KCNC2: variants seen among roughly 807,000 people sequenced by gnomAD.
The protein encoded by KCNC2 is voltage-gated potassium channel KCNC2.
A neutral mutation model predicts 44.5 loss-of-function variants in KCNC2; 21 were observed. That is an observed-to-expected ratio of 0.47 (90% CI 0.33 to 0.68). The LOEUF (loss-of-function observed/expected upper bound fraction) is 0.68. Ranked by LOEUF, KCNC2 falls within the 30% of genes least tolerant of loss-of-function variation. KCNC2 has a pLI of 0.01. For missense variants in KCNC2, 589 were observed against 826.2 expected, an observed-to-expected ratio of 0.71 and a Z score of 3.52; for synonymous variants, 391 against 339.1, an observed-to-expected ratio of 1.15 and a Z score of -1.68.
At chr12:75,171,686 A>G (rs1162014006) in intron 2 of KCNC2, among the ~76,000 whole-genome samples, 2 of 151,878 alleles carry the variant, frequency 1.3e-5, no homozygotes, top group East Asian at 3.9e-4. Context: ...AATAAGTTCT[A>G]GTGTTTGACA....
chr12:75,202,830 T>G (rs2031393409), intron 2 of KCNC2, among the ~76,000 whole-genome samples: 1 of 150,992 alleles, frequency 6.6e-6, no homozygotes, highest in African/African-American at 2.4e-5. Flanking sequence ...TTTTAACACC[T>G]CTAGAATTTT....
chr12:75,042,305 C>G lies in KCNC2; in HGVS notation c.*800G>C, dbSNP rs761116471. 6 of 1,610,866 alleles carry G rather than the reference C, an allele frequency of 3.7e-6. No homozygotes were observed. The highest frequency in any genetic ancestry group is 1.3e-5 in the African/African-American group (1 of 74,610). On this transcript the variant is annotated 3_prime_UTR_variant, in exon 5 of 5. Coordinates refer to ENST00000549446, the MANE Select transcript of KCNC2 (RefSeq NM_139137.4). Reference sequence around the variant, plus strand: ...CTTTCTCTCATGTTTTGTGCCTTCCCCAAGTCATTAAGTAAGAGATCTGGC... The same window carrying G: ...CTTTCTCTCATGTTTTGTGCCTTCCGCAAGTCATTAAGTAAGAGATCTGGC...
chr12:75,117,301 ACT>A (rs1468949308), intron 2 of KCNC2, among the ~76,000 whole-genome samples: 1 of 152,174 alleles, frequency 6.6e-6, no homozygotes, highest in Non-Finnish European at 1.5e-5. Flanking sequence ...TACAAGCTGC[ACT>A]GTCAACAGGC....
At position 75,043,010 on chromosome 12, in the gene KCNC2, C is replaced by G; in HGVS notation, c.*95G>C. On this transcript the variant is annotated 3_prime_UTR_variant, in exon 5 of 5. Coordinates refer to ENST00000549446, the MANE Select transcript of KCNC2 (RefSeq NM_139137.4). ...CAAGATTTATACTGTATTAATGGAG[C>G]CTGGAGTAACTCTACATTTAATTAT... is the stretch of plus-strand genomic sequence containing the variant. 6.5e-7 allele frequency: 1 copy of G among 1,549,608 alleles called. No homozygotes were observed. The highest frequency in any genetic ancestry group is 8.7e-7 in the Non-Finnish European group (1 of 1,149,510).
chr12:75,203,892 A>T (rs903036176), intron 2 of KCNC2, among the ~76,000 whole-genome samples: 1 of 151,900 alleles, frequency 6.6e-6, no homozygotes, highest in East Asian at 1.9e-4. Context: ...AAACTCTATC[A>T]AGGAATTTCT....
At chr12:75,158,897 G>A (rs1890935965) in intron 2 of KCNC2, among the ~76,000 whole-genome samples, 1 of 151,728 alleles carries the variant, frequency 6.6e-6, no homozygotes, top group South Asian at 2.1e-4. Flanking sequence ...TCCTAATCAG[G>A]CTCAAGTTAT....
intron 2 of KCNC2, among the ~76,000 whole-genome samples, chr12:75,112,408 G>A (rs1423714469): frequency 6.6e-6 from 1 of 151,944 alleles, no homozygotes; most frequent in East Asian, 1.9e-4. Context: ...CAAAAGTTCT[G>A]TGCTTTTTTT....
At chr12:75,055,897 C>T (rs1364074188) in intron 2 of KCNC2, among the ~76,000 whole-genome samples, 2 of 151,918 alleles carry the variant, frequency 1.3e-5, no homozygotes, top group Non-Finnish European at 2.9e-5. Context: ...TTTTATTTTC[C>T]TCATTTTCTC....
intron 2 of KCNC2, among the ~76,000 whole-genome samples, chr12:75,165,353 A>T (rs1022597210): frequency 1.3e-5 from 2 of 151,408 alleles, no homozygotes; most frequent in African/African-American, 4.8e-5. Flanking sequence ...CTGTCCCTCA[A>T]CTCCGCTCTT....
At chr12:75,074,125 G>A (rs1883678211) in intron 2 of KCNC2, among the ~76,000 whole-genome samples, 1 of 151,420 alleles carries the variant, frequency 6.6e-6, no homozygotes, top group Non-Finnish European at 1.5e-5. Context: ...ATTGTCTTAA[G>A]AGCATGTTAA....
intron 2 of KCNC2, among the ~76,000 whole-genome samples, chr12:75,178,953 T>A (rs1032621889): frequency 3.3e-5 from 5 of 151,968 alleles, no homozygotes; most frequent in Non-Finnish European, 5.9e-5. Flanking sequence ...ATGACTGTTC[T>A]ATCTTTGAGC....
rs115903215 is a variant in KCNC2, at chr12:75,097,731, G to T, written c.688-46414C>A. 3.0e-3 allele frequency among the ~76,000 whole-genome samples: 456 copies of T among 152,174 alleles called. 2 individuals are homozygous for T. Among genetic ancestry groups the T allele is most frequent in the African/African-American group, 0.01 (423 of 41,562 alleles). Reference sequence around the variant, plus strand: ...GATTTTTAAGAGCAAGGACTTTGAAGACAGATAGACTAGCATTTTAATTTA... The same window carrying T: ...GATTTTTAAGAGCAAGGACTTTGAATACAGATAGACTAGCATTTTAATTTA... On this transcript the variant is annotated intron_variant, in intron 2 of 4. Transcript: ENST00000549446.
intron 2 of KCNC2, among the ~76,000 whole-genome samples, chr12:75,107,745 GCAAA>G (rs1886907185): frequency 6.6e-6 from 1 of 152,092 alleles, no homozygotes; most frequent in African/African-American, 2.4e-5. Context: ...AACTCTAAGA[GCAAA>G]CAGAGAAAAT....
chr12:75,047,744 T>A (rs1043880225), intron 4 of KCNC2, among the ~76,000 whole-genome samples: 3 of 152,126 alleles, frequency 2.0e-5, no homozygotes, highest in Non-Finnish European at 4.4e-5. Context: ...AAACTTATAA[T>A]TGTTTTATAG....
At chr12:75,109,402 G>T (rs537352859) in intron 2 of KCNC2, among the ~76,000 whole-genome samples, 3 of 152,112 alleles carry the variant, frequency 2.0e-5, no homozygotes, top group African/African-American at 7.2e-5. Context: ...TATTTAGACC[G>T]TGTGGCACCC....
chr12:75,041,838 C>T lies in KCNC2; in HGVS notation c.*1267G>A. On this transcript the variant is annotated 3_prime_UTR_variant, in exon 5 of 5. Coordinates refer to ENST00000549446, the MANE Select transcript of KCNC2 (RefSeq NM_139137.4). ...ATTTATACACAAAGCAGAGAGGCTG[C>T]TCCAAATAGCAAAAAATGGTATGGA... 1.0e-6 allele frequency: 1 copy of T among 987,860 alleles called. No individual in the cohort carries two copies. The highest frequency in any genetic ancestry group is 4.6e-5 in the South Asian group (1 of 21,534). 61.2% of individuals were successfully genotyped at this position (987,860 alleles called of 1,614,324 possible).
At chr12:75,089,864 C>G (rs1390726351) in intron 2 of KCNC2, among the ~76,000 whole-genome samples, 2 of 151,786 alleles carry the variant, frequency 1.3e-5, no homozygotes, top group East Asian at 3.9e-4. Flanking sequence ...TCAACAAACA[C>G]ATATGGATAA....
At chr12:75,055,412 A>G (rs1881634330) in intron 2 of KCNC2, among the ~76,000 whole-genome samples, 1 of 152,118 alleles carries the variant, frequency 6.6e-6, no homozygotes, top group Non-Finnish European at 1.5e-5. Flanking sequence ...CATTCTCTTA[A>G]TGGAGCATGT....
chr12:75,155,532 G>C (rs1890696945), intron 2 of KCNC2, among the ~76,000 whole-genome samples: 1 of 151,684 alleles, frequency 6.6e-6, no homozygotes, highest in Admixed American at 6.6e-5. Flanking sequence ...TTAGAAATCA[G>C]TTTGTGAATC....
Sources: gnomAD v4.1 joint callset for allele counts (sites outside exome capture counted in the v4.1 genomes callset) on GRCh38, gnomAD v4.1.1 for gene constraint, MANE v1.5 for transcripts, NCBI Gene and HGNC (gene_info 2026-07-23, HGNC 2026-07-21) for gene names.